Variants in SPTLC3 observed in about 807,000 individuals in gnomAD.
The protein encoded by SPTLC3 is serine palmitoyltransferase long chain base subunit 3, also known as serine palmitoyltransferase 3.
SPTLC3 carries 36 observed loss-of-function variants against 59.3 expected under a neutral mutation model. That is an observed-to-expected ratio of 0.61 (90% CI 0.47 to 0.80). The LOEUF is 0.80. Among genes scored for constraint, SPTLC3 ranks in the 30% least tolerant of loss-of-function variants. The pLI is 0.00. For missense variants in SPTLC3, 625 were observed against 685.1 expected, an observed-to-expected ratio of 0.91 and a Z score of 0.98; for synonymous variants, 257 against 240.8, an observed-to-expected ratio of 1.07 and a Z score of -0.62.
chr20:13,030,940 T>A (rs1986413480), intron 1 of SPTLC3, among the ~76,000 whole-genome samples: 1 of 152,192 alleles, frequency 6.6e-6, no homozygotes, highest in Admixed American at 6.6e-5. Flanking sequence ...CTTATAATTT[T>A]CCTTTTTCTA....
chr20:13,051,857 T>G (rs181077246), intron 2 of SPTLC3, among the ~76,000 whole-genome samples: 203 of 152,130 alleles, frequency 1.3e-3, no homozygotes, highest in Non-Finnish European at 1.9e-3. Context: ...AAAAATGAAA[T>G]CAACATGGAA....
chr20:13,106,126 T>C (rs902021353), intron 6 of SPTLC3, among the ~76,000 whole-genome samples: 3 of 152,226 alleles, frequency 2.0e-5, no homozygotes, highest in African/African-American at 7.2e-5. Context: ...AAACAAAAGA[T>C]ACCATCAATT....
intron 3 of SPTLC3, chr20:13,073,719 T>C (rs1425205268): frequency 6.4e-6 from 3 of 469,308 alleles, no homozygotes; most frequent in African/African-American, 2.0e-5. Context: ...CAGTTCTGAG[T>C]TGACGCCTGA....
chr20:13,013,885 C>T (rs6041766), intron 1 of SPTLC3, among the ~76,000 whole-genome samples: 8,622 of 152,238 alleles, frequency 0.057, 303 homozygotes, highest in Middle Eastern at 0.099. Context: ...CTCTGCTCCA[C>T]GTGGTGTTTG....
intron 5 of SPTLC3, among the ~76,000 whole-genome samples, chr20:13,091,697 T>A (rs1989228459): frequency 6.6e-6 from 1 of 152,210 alleles, no homozygotes; most frequent in African/African-American, 2.4e-5. Context: ...GTCATGATAT[T>A]GCTGATTATA....
At chr20:13,107,583 T>G (rs182720214) in intron 6 of SPTLC3, among the ~76,000 whole-genome samples, 1 of 152,122 alleles carries the variant, frequency 6.6e-6, no homozygotes, top group African/African-American at 2.4e-5. Context: ...AGGCCTGTTT[T>G]GCAGATAAAA....
Position 13,074,470 on chromosome 20 carries a change from G to C in SPTLC3, c.580G>C (p.Gly194Arg), listed in dbSNP as rs749668750. The C allele has an allele frequency of 3.5e-5, 56 of 1,613,790 alleles. No homozygotes were observed. The highest frequency in any genetic ancestry group is 4.7e-5 in the Non-Finnish European group (56 of 1,179,840). The change falls in exon 4 of 12, where the codon GGC (glycine) becomes CGC (arginine). Residue 194 changes from glycine to arginine, a missense_variant. By Grantham distance (125) the Gly-to-Arg change is moderately radical. Coordinates refer to ENST00000399002, the MANE Select transcript of SPTLC3 (RefSeq NM_018327.4). ...GGATGTTTTAGAGGTGTATGGCACA[G>C]GCGTGGCCAGCACCAGGCATGAAAT... ...IKDVLEVYGT[G>R]VASTRHEMGT...
rs1447712017 is a variant in SPTLC3, at chr20:13,166,005, G to A, written c.*1138G>A. ...TCTCAACATGAACACAAACCTCTAT[G>A]GAAAAGTAGCCTCTTGTTAATCTGA... On this transcript the variant is annotated 3_prime_UTR_variant, in exon 12 of 12. Coordinates refer to ENST00000399002, the MANE Select transcript of SPTLC3 (RefSeq NM_018327.4). 1 of 152,476 alleles carries A rather than the reference G, an allele frequency of 6.6e-6. No individual in the cohort carries two copies. Among genetic ancestry groups the A allele is most frequent in the African/African-American group, 2.4e-5 (1 of 41,442 alleles). 9.4% of individuals were successfully genotyped at this position (152,476 alleles called of 1,614,324 possible).
intron 2 of SPTLC3, among the ~76,000 whole-genome samples, chr20:13,055,448 A>G (rs1987682056): frequency 6.6e-6 from 1 of 152,074 alleles, no homozygotes; most frequent in South Asian, 2.1e-4. Flanking sequence ...TCTTATCACC[A>G]GTCGGCCTGC....
intron 8 of SPTLC3, among the ~76,000 whole-genome samples, chr20:13,120,890 T>G (rs914704210): frequency 6.6e-6 from 1 of 152,174 alleles, no homozygotes; most frequent in Non-Finnish European, 1.5e-5. Flanking sequence ...CACTTTGGGT[T>G]TGGAGCCGCT....
chr20:13,148,780 C>T (rs2038576145), intron 9 of SPTLC3, among the ~76,000 whole-genome samples: 1 of 152,170 alleles, frequency 6.6e-6, no homozygotes, highest in Non-Finnish European at 1.5e-5. Context: ...TTTAATGGGT[C>T]TGGGGTGCAG....
chr20:13,137,883 C>G (rs747302060), intron 9 of SPTLC3, among the ~76,000 whole-genome samples: 4 of 152,136 alleles, frequency 2.6e-5, no homozygotes, highest in Non-Finnish European at 5.9e-5. Context: ...TGGCTCCTGA[C>G]TCCAAACATA....
intron 1 of SPTLC3, among the ~76,000 whole-genome samples, chr20:13,014,041 CT>C (rs2122359820): frequency 6.6e-6 from 1 of 152,252 alleles, no homozygotes; most frequent in Admixed American, 6.5e-5. Flanking sequence ...GTAGCCCAGG[CT>C]TTTTTACAGG....
chr20:13,053,509 G>C (rs1025842308), intron 2 of SPTLC3, among the ~76,000 whole-genome samples: 9 of 152,088 alleles, frequency 5.9e-5, no homozygotes, highest in Non-Finnish European at 1.2e-4. Flanking sequence ...CTCCTCGCCA[G>C]CAAGGGAACA....
At chr20:13,025,737 C>T (rs1332190231) in intron 1 of SPTLC3, among the ~76,000 whole-genome samples, 4 of 152,022 alleles carry the variant, frequency 2.6e-5, no homozygotes, top group Non-Finnish European at 4.4e-5. Flanking sequence ...TTTTTTAAAA[C>T]TTCTATTTTA....
rs1988798325 is a variant in SPTLC3 at position 13,080,401 on chromosome 20, G to C, written c.607+5904G>C. 2.6e-5 allele frequency among the ~76,000 whole-genome samples: 4 copies of C among 151,308 alleles called. No homozygotes were observed. In the Admixed American group the frequency reaches 2.6e-4, roughly 10 times the overall value. On this transcript the variant is annotated intron_variant, in intron 4 of 11. Transcript: ENST00000399002. ...CATGCGCCTGTACTCCCTGCTACTT[G>C]GGAGGCTGAGGCAGGAAAATCGCTT...
At chr20:13,058,563 C>A (rs1288641500) in intron 2 of SPTLC3, among the ~76,000 whole-genome samples, 1 of 152,160 alleles carries the variant, frequency 6.6e-6, no homozygotes, top group Non-Finnish European at 1.5e-5. Flanking sequence ...TGTGATGCAG[C>A]CTTGGTAGTG....
At chr20:13,113,869 G>A (rs1416048444) in intron 7 of SPTLC3, among the ~76,000 whole-genome samples, 1 of 152,190 alleles carries the variant, frequency 6.6e-6, no homozygotes, top group African/African-American at 2.4e-5. Flanking sequence ...GAAAGTGGCT[G>A]TTAGAGAAAG....
chr20:13,154,123 T>C lies in SPTLC3; in HGVS notation c.1400T>C (p.Met467Thr). Reference sequence around the variant, plus strand: ...TCTGTTGTTCCTCTGCTTCTTTATATGCCTGGTAAAGTAGCGTAAGTATCC... The same window carrying C: ...TCTGTTGTTCCTCTGCTTCTTTATACGCCTGGTAAAGTAGCGTAAGTATCC... ...NASVVPLLLY[M>T]PGKVAAFARH... Residue 467 changes from methionine (M) to threonine (T), a missense_variant, in exon 10 of 12, where the codon ATG becomes ACG. Physicochemically the swap from Met to Thr is moderately conservative, Grantham distance 81 (BLOSUM62 -1). Coordinates refer to ENST00000399002, the MANE Select transcript of SPTLC3 (RefSeq NM_018327.4). The C allele has an allele frequency of 6.2e-7, 1 of 1,614,150 alleles. No individual in the cohort carries two copies. The highest frequency in any genetic ancestry group is 8.5e-7 in the Non-Finnish European group (1 of 1,179,992).
Sources: allele counts gnomAD v4.1 joint callset (sites outside exome capture counted in the v4.1 genomes callset), GRCh38; gene constraint gnomAD v4.1.1; transcripts MANE v1.5; gene names NCBI Gene and HGNC (gene_info 2026-07-23, HGNC 2026-07-21).